Variants in FGF1 observed in about 807,000 individuals in gnomAD.
FGF1 encodes the protein beta-endothelial cell growth factor.
A neutral mutation model predicts 13.4 loss-of-function variants in FGF1; 9 were observed. The observed-to-expected ratio is 0.67, with a 90% CI of 0.40 to 1.17. The LOEUF (loss-of-function observed/expected upper bound fraction) is 1.17. FGF1 is among the 50% of genes most tolerant of loss of function. FGF1 has a pLI of 0.01. For missense variants in FGF1, 156 were observed against 192.7 expected (o/e 0.81, Z 1.13); for synonymous variants, 93 against 79.0 (o/e 1.18, Z -0.94).
At chr5:142,653,948 T>C (rs889155376) in intron 1 of FGF1, among the ~76,000 whole-genome samples, 1 of 152,090 alleles carries the variant, frequency 6.6e-6, no homozygotes, top group Non-Finnish European at 1.5e-5. Flanking sequence ...AAAAATTAGC[T>C]GGGCGTGGTG....
chr5:142,653,954 T>C (rs1000866740), intron 1 of FGF1, among the ~76,000 whole-genome samples: 4 of 152,258 alleles, frequency 2.6e-5, no homozygotes, highest in African/African-American at 9.6e-5. Context: ...TAGCTGGGCG[T>C]GGTGGCGTGC....
At chr5:142,616,007 T>C (rs1760147816) in intron 1 of FGF1, among the ~76,000 whole-genome samples, 1 of 152,206 alleles carries the variant, frequency 6.6e-6, no homozygotes, top group Non-Finnish European at 1.5e-5. Flanking sequence ...CAGGACTCCA[T>C]GCATCTCCAC....
intron 1 of FGF1, among the ~76,000 whole-genome samples, chr5:142,619,708 C>A (rs1032665053): frequency 1.3e-5 from 2 of 151,994 alleles, no homozygotes; most frequent in South Asian, 4.1e-4. Context: ...TGGCGCATGC[C>A]TGTAATCCCA....
chr5:142,664,352 C>T (rs1043460741), intron 1 of FGF1, among the ~76,000 whole-genome samples: 1 of 152,186 alleles, frequency 6.6e-6, no homozygotes, highest in Admixed American at 6.5e-5. Context: ...GGCTCCCTAG[C>T]GCCGTGTCAC....
exon 1 of FGF1, chr5:142,697,991 C>T (rs1753391555): frequency 1.3e-5 from 2 of 152,380 alleles, no homozygotes; most frequent in African/African-American, 4.8e-5. Context: ...ACTTGGGCCC[C>T]TACAAGTGCA....
chr5:142,655,263 G>A (rs1767948509), intron 1 of FGF1, among the ~76,000 whole-genome samples: 1 of 152,172 alleles, frequency 6.6e-6, no homozygotes, highest in African/African-American at 2.4e-5. Flanking sequence ...CAAGCATTTT[G>A]CAATATTAAC....
chr5:142,614,321 T>C (rs1759742155), intron 1 of FGF1, among the ~76,000 whole-genome samples, 160 bp from the exon 2 acceptor site: 1 of 152,188 alleles, frequency 6.6e-6, no homozygotes, highest in Non-Finnish European at 1.5e-5. Flanking sequence ...GTGAGGTGGC[T>C]GGTGGTTAAG....
At chr5:142,616,136 T>C (rs1187501992) in intron 1 of FGF1, among the ~76,000 whole-genome samples, 1 of 152,236 alleles carries the variant, frequency 6.6e-6, no homozygotes, top group East Asian at 1.9e-4. Context: ...GGAGCTGCTC[T>C]CATAGGAGAT....
At chr5:142,640,426 T>TG (rs771167178) in intron 1 of FGF1, among the ~76,000 whole-genome samples, 4,362 of 70,900 alleles carry the variant, frequency 0.062, 299 homozygotes, top group African/African-American at 0.12. Flanking sequence ...TGGAGTATGG[T>TG]GGGGGGGGGG....
At chr5:142,627,472 G>C (rs946845479) in intron 1 of FGF1, among the ~76,000 whole-genome samples, 1 of 152,228 alleles carries the variant, frequency 6.6e-6, no homozygotes, top group African/African-American at 2.4e-5. Flanking sequence ...CTACTAGACA[G>C]ACAATATCCC....
At chr5:142,624,118 C>G (rs1762091206) in intron 1 of FGF1, among the ~76,000 whole-genome samples, 1 of 152,110 alleles carries the variant, frequency 6.6e-6, no homozygotes, top group Non-Finnish European at 1.5e-5. Context: ...CGGGGTTTCA[C>G]CACGTTGGCC....
chr5:142,601,176 C>T, intron 2 of FGF1: 1 of 497,338 alleles, frequency 2.0e-6, no homozygotes, highest in Non-Finnish European at 4.0e-6. Context: ...GCTCCCTCAT[C>T]CCTGCAATCT....
chr5:142,628,074 A>G (rs1762761888), intron 1 of FGF1, among the ~76,000 whole-genome samples: 1 of 152,190 alleles, frequency 6.6e-6, no homozygotes, highest in Admixed American at 6.5e-5. Flanking sequence ...ACATCACCAA[A>G]GGCCCCAGGA....
intron 2 of FGF1, among the ~76,000 whole-genome samples, chr5:142,601,443 A>G (rs1026773869): frequency 6.6e-6 from 1 of 152,120 alleles, no homozygotes; most frequent in African/African-American, 2.4e-5. Flanking sequence ...CTCAGCCTCT[A>G]TGGCAACCCA....
intron 1 of FGF1, among the ~76,000 whole-genome samples, chr5:142,666,663 TATA>T (rs2152015799): frequency 6.6e-6 from 1 of 152,310 alleles, no homozygotes; most frequent in South Asian, 2.1e-4. Flanking sequence ...AGAGGCCTGG[TATA>T]CCAGTTCACG....
intron 1 of FGF1, among the ~76,000 whole-genome samples, chr5:142,659,131 G>A (rs17099175): frequency 0.13 from 20,147 of 151,468 alleles, 2,946 homozygotes; most frequent in African/African-American, 0.36. Context: ...CGCCATCCTT[G>A]TTATAGTGAA....
intron 1 of FGF1, among the ~76,000 whole-genome samples, chr5:142,684,454 A>G (rs1640566356): frequency 6.6e-6 from 1 of 152,190 alleles, no homozygotes; most frequent in East Asian, 1.9e-4. Context: ...TTTGGATTAC[A>G]TACTTCATTT....
At chr5:142,622,062 T>C (rs1597174423) in intron 1 of FGF1, among the ~76,000 whole-genome samples, 1 of 152,368 alleles carries the variant, frequency 6.6e-6, no homozygotes, top group East Asian at 1.9e-4. Context: ...ATGTCTCTTT[T>C]CATGACTGGA....
At chr5:142,636,237 C>T (rs1427563960) in intron 1 of FGF1, among the ~76,000 whole-genome samples, 1 of 152,208 alleles carries the variant, frequency 6.6e-6, no homozygotes. Flanking sequence ...CATGATGGTG[C>T]CTGGTGGAAA....
Sources: allele counts gnomAD v4.1 joint callset (sites outside exome capture counted in the v4.1 genomes callset), GRCh38; gene constraint gnomAD v4.1.1; transcripts MANE v1.5; gene names NCBI Gene and HGNC (gene_info 2026-07-23, HGNC 2026-07-21).